Variants in PALM2AKAP2 observed in about 807,000 individuals in gnomAD.
PALM2AKAP2 encodes the protein PALM2 and AKAP2 fusion, also known as PALM2-AKAP2 fusion protein.
Under a neutral mutation model 71.5 loss-of-function variants are expected in PALM2AKAP2, and 37 were observed. The observed-to-expected ratio is 0.52, with a 90% CI of 0.40 to 0.68. The LOEUF (loss-of-function observed/expected upper bound fraction) is 0.68. Ranked by LOEUF, PALM2AKAP2 falls within the 30% of genes least tolerant of loss-of-function variation. The pLI is 0.00. For missense variants in PALM2AKAP2, 1,224 were observed against 1,191.8 expected (o/e 1.03, Z -0.40); for synonymous variants, 468 against 478.8 (o/e 0.98, Z 0.29).
intron 1 of PALM2AKAP2, among the ~76,000 whole-genome samples, chr9:110,107,301 CCTGAT>C (rs1158450506): frequency 1.3e-5 from 2 of 151,910 alleles, no homozygotes; most frequent in Non-Finnish European, 2.9e-5. Context: ...TGTTAATTGC[CCTGAT>C]CTGATCAGTA....
At chr9:110,109,395 GTTCAGAGGTCATGT>G (rs533463999) in intron 1 of PALM2AKAP2, among the ~76,000 whole-genome samples, 84 of 151,582 alleles carry the variant, frequency 5.5e-4, no homozygotes, top group African/African-American at 1.1e-3. Flanking sequence ...GCCTTCTGAG[GTTCAGAGGTCATGT>G]TTCGGAGGTC....
At chr9:109,727,903 A>C (rs1213393007) in intron 1 of PALM2AKAP2, among the ~76,000 whole-genome samples, 2 of 152,222 alleles carry the variant, frequency 1.3e-5, no homozygotes, top group African/African-American at 4.8e-5. Context: ...TCTTCTAAAA[A>C]ATGTAAACAC....
intron 1 of PALM2AKAP2, chr9:109,863,069 G>A (rs1459053045): frequency 2.4e-6 from 1 of 413,730 alleles, no homozygotes; most frequent in Non-Finnish European, 4.8e-6. Context: ...GAGGTGGTCA[G>A]ATTTCCATTT....
At chr9:109,747,824 C>A (rs1022357732) in intron 1 of PALM2AKAP2, among the ~76,000 whole-genome samples, 3 of 152,050 alleles carry the variant, frequency 2.0e-5, no homozygotes, top group Non-Finnish European at 4.4e-5. Flanking sequence ...TGCTCACCAC[C>A]AGGCCTGGCT....
chr9:109,975,233 C>T (rs2132170241), intron 6 of PALM2AKAP2, among the ~76,000 whole-genome samples: 1 of 152,274 alleles, frequency 6.6e-6, no homozygotes, highest in East Asian at 1.9e-4. Flanking sequence ...CCAGGAAAGC[C>T]AATGATGTAA....
At chr9:110,144,045 A>C (rs79872088) in intron 2 of PALM2AKAP2, among the ~76,000 whole-genome samples, 2,838 of 152,308 alleles carry the variant, frequency 0.019, 90 homozygotes, top group African/African-American at 0.065. Context: ...TCACAAAGGA[A>C]AGTCTTAGGA....
intron 6 of PALM2AKAP2, among the ~76,000 whole-genome samples, chr9:109,985,661 T>C (rs1462674191): frequency 2.7e-5 from 4 of 150,934 alleles, no homozygotes; most frequent in Admixed American, 6.6e-5. Context: ...TCTTTCTTTT[T>C]TTTTTTTTTT....
intron 1 of PALM2AKAP2, among the ~76,000 whole-genome samples, chr9:109,701,130 AC>A (rs1485583065): frequency 6.6e-6 from 1 of 152,244 alleles, no homozygotes; most frequent in Non-Finnish European, 1.5e-5. Flanking sequence ...AAAACAATCT[AC>A]AAGATACCAC....
chr9:109,694,869 CA>C (rs1201488695), intron 1 of PALM2AKAP2, among the ~76,000 whole-genome samples: 93 of 152,012 alleles, frequency 6.1e-4, no homozygotes. Flanking sequence ...GAAATACACC[CA>C]AATACTTATA....
chr9:109,686,586 G>A (rs1374519023), intron 1 of PALM2AKAP2, among the ~76,000 whole-genome samples: 1 of 152,104 alleles, frequency 6.6e-6, no homozygotes, highest in Non-Finnish European at 1.5e-5. Flanking sequence ...AACAGCAGAT[G>A]TGCTGCCATC....
At chr9:109,758,162 A>G (rs1828994381) in intron 1 of PALM2AKAP2, among the ~76,000 whole-genome samples, 1 of 152,120 alleles carries the variant, frequency 6.6e-6, no homozygotes, top group Admixed American at 6.6e-5. Flanking sequence ...GATTTATAAT[A>G]TATCTTCATG....
Position 110,086,766 on chromosome 9 carries a change from G to A in PALM2AKAP2, c.156+37911G>A, listed in dbSNP as rs561530524. ...AGAGTGTATTTGTCTCAAGTGTTAT[G>A]TACTTTTCCAGTTTCTTTGCCCCCA... is the stretch of plus-strand genomic sequence containing the variant. On this transcript the variant is annotated intron_variant, in intron 1 of 3. Transcript: ENST00000374525. Among the ~76,000 whole-genome samples the A allele has an allele frequency of 3.5e-4, 54 of 152,284 alleles. 1 individual carries two copies. Among genetic ancestry groups the A allele is most frequent in the African/African-American group, 1.1e-3 (45 of 41,554 alleles).
chr9:109,849,084 A>G (rs7869351), intron 1 of PALM2AKAP2, among the ~76,000 whole-genome samples: 3,744 of 152,198 alleles, frequency 0.025, 158 homozygotes, highest in African/African-American at 0.082. Flanking sequence ...GGATGGAAGC[A>G]AGGAGGGAGA....
At chr9:109,748,536 G>A (rs532239280) in intron 1 of PALM2AKAP2, among the ~76,000 whole-genome samples, 1 of 152,300 alleles carries the variant, frequency 6.6e-6, no homozygotes, top group South Asian at 2.1e-4. Context: ...AATGTGTGAT[G>A]CTAACATCAT....
intron 3 of PALM2AKAP2, among the ~76,000 whole-genome samples, chr9:109,919,375 A>G (rs1830771560): frequency 1.3e-5 from 2 of 152,204 alleles, no homozygotes; most frequent in Admixed American, 1.3e-4. Context: ...TTCTGGTTAG[A>G]TAAGTTACAA....
chr9:110,048,699 G>A, exon 1 of PALM2AKAP2: 1 of 1,544,176 alleles, frequency 6.5e-7, no homozygotes. Context: ...ACTCCCTGCA[G>A]ATGCGCTGGC....
chr9:110,026,784 C>T lies in PALM2AKAP2; in HGVS notation c.582+10745C>T, dbSNP rs555708762. ...TAAGGCCAGGCGTGGTGGCTCACTACTGTAATCCCAGCACTTTGGGAGGCC... is the reference window on the plus strand; with the variant it reads ...TAAGGCCAGGCGTGGTGGCTCACTATTGTAATCCCAGCACTTTGGGAGGCC... On this transcript the variant is annotated intron_variant, in intron 7 of 9. Coordinates refer to the PALM2AKAP2 transcript ENST00000302798. 7.9e-5 allele frequency among the ~76,000 whole-genome samples: 12 copies of T among 152,350 alleles called. No individual in the cohort carries two copies. The East Asian group carries it at 2.3e-3, about 29-fold the overall frequency.
At chr9:109,668,267 T>G (rs1827520387) in intron 1 of PALM2AKAP2, among the ~76,000 whole-genome samples, 1 of 152,212 alleles carries the variant, frequency 6.6e-6, no homozygotes, top group Non-Finnish European at 1.5e-5. Flanking sequence ...GAGCTACATA[T>G]CCCTCTGCCA....
At chr9:110,030,712 C>T (rs1301966928) in intron 7 of PALM2AKAP2, among the ~76,000 whole-genome samples, 1 of 152,152 alleles carries the variant, frequency 6.6e-6, no homozygotes, top group Non-Finnish European at 1.5e-5. Flanking sequence ...TCTCTAGTGG[C>T]CTGCCCCCTT....
Sources: gnomAD v4.1 joint callset for allele counts (sites outside exome capture counted in the v4.1 genomes callset) on GRCh38, gnomAD v4.1.1 for gene constraint, MANE v1.5 for transcripts, NCBI Gene and HGNC (gene_info 2026-07-23, HGNC 2026-07-21) for gene names.